Variants in PLA2R1 observed in about 807,000 individuals in gnomAD.
PLA2R1 encodes secretory phospholipase A2 receptor.
In PLA2R1, 158 loss-of-function variants were observed where a neutral mutation model predicts 195.9. That is an observed-to-expected ratio of 0.81 (90% confidence interval 0.71 to 0.92). The LOEUF (loss-of-function observed/expected upper bound fraction) is 0.92, where lower values mean the gene tolerates loss of function less well. Ranked by LOEUF, PLA2R1 falls within the 40% of genes least tolerant of loss-of-function variation. The pLI, the probability that PLA2R1 is intolerant of heterozygous loss-of-function variation, is 0.00. For missense variants in PLA2R1, 1,626 were observed against 1,764.6 expected (o/e 0.92, Z 1.41); for synonymous variants, 586 against 598.2 (o/e 0.98, Z 0.30).
In PLA2R1 at chr2:159,949,629, C is replaced by G; in HGVS notation, c.3688G>C (p.Ala1230Pro). 1 of 1,613,830 alleles carries G rather than the reference C, an allele frequency of 6.2e-7. No homozygotes were observed. The highest frequency in any genetic ancestry group is 8.5e-7 in the Non-Finnish European group (1 of 1,179,782). ...STACESFLQG[A>P]ICHVPPETRQ... is the part of the protein sequence containing the mutation. ...CTACCAGGTGGCACATGACAAATGG[C>G]ACCTTGCAGAAATGACTCGCAGGCT... The change falls in exon 25 of 30, where the codon GCC (alanine) becomes CCC (proline). Residue 1230 changes from alanine (A) to proline (P), a missense_variant. Transcript: ENST00000283243.
In PLA2R1 at chr2:160,044,836, T is replaced by C. The variant is rs201406348; in HGVS notation, c.431A>G (p.Tyr144Cys). 3 of 1,613,830 alleles carry C rather than the reference T, an allele frequency of 1.9e-6. No individual in the cohort carries two copies. Among genetic ancestry groups the C allele is most frequent in the South Asian group, 2.2e-5 (2 of 91,078 alleles). Residue 144 changes from tyrosine to cysteine, a missense_variant, in exon 2 of 30, where the codon TAT becomes TGT. By Grantham distance (194) the Tyr-to-Cys change is radical. Coordinates refer to ENST00000283243, the MANE Select transcript of PLA2R1 (RefSeq NM_007366.5). ...CCCATAAGAAATCCACTTATGAATA[T>C]ACTTCCGTGAGGCCACCACTGTGTT... Reference protein sequence around the residue: ...HDNTVVASRKYIHKWISYGSG... With the variant: ...HDNTVVASRKCIHKWISYGSG...
At chr2:159,929,838 T>G (rs1005750897), downstream of PLA2R1, among the ~76,000 whole-genome samples, 1 of 146,756 alleles carries the variant, frequency 6.8e-6, no homozygotes, top group African/African-American at 2.5e-5. Flanking sequence ...TGTGCATGTA[T>G]ATGTATTATA....
the PLA2R1 span, among the ~76,000 whole-genome samples, chr2:159,926,254 A>C: frequency 3.3e-5 from 5 of 152,250 alleles, no homozygotes; most frequent in African/African-American, 1.2e-4. Flanking sequence ...AGATTTAATA[A>C]AGAACCCTTG....
chr2:159,929,269 C>T (rs1183786999), downstream of PLA2R1, among the ~76,000 whole-genome samples: 2 of 152,094 alleles, frequency 1.3e-5, no homozygotes, highest in African/African-American at 4.8e-5. Flanking sequence ...AAAGGACTAA[C>T]ATCCAGAATC....
rs1330047201 is a variant in PLA2R1, at chr2:159,939,998, T to A, written c.*1780A>T. The A allele has an allele frequency of 5.9e-5, 9 of 152,256 alleles. No homozygotes were observed. Among genetic ancestry groups the A allele is most frequent in the African/African-American group, 2.2e-4 (9 of 41,476 alleles). The allele number at this position is 152,256 out of a possible 1,614,324, so 9.4% of individuals were successfully genotyped here. Reference sequence around the variant, plus strand: ...GACTGTCCCAGTGTGTAAATTATTATAACAGTAGCAAAGAGCTGCTTTTGG... The same window carrying A: ...GACTGTCCCAGTGTGTAAATTATTAAAACAGTAGCAAAGAGCTGCTTTTGG... On this transcript the variant is annotated 3_prime_UTR_variant, in exon 30 of 30. Transcript: ENST00000283243.
chr2:159,966,034 G>A (rs1688766326), intron 20 of PLA2R1, among the ~76,000 whole-genome samples: 1 of 152,100 alleles, frequency 6.6e-6, no homozygotes, highest in Non-Finnish European at 1.5e-5. Flanking sequence ...AATTTTGTTA[G>A]CATCTGTCTT....
At chr2:160,036,734 A>C in intron 3 of PLA2R1, among the ~76,000 whole-genome samples, 1 of 151,876 alleles carries the variant, frequency 6.6e-6, no homozygotes, top group African/African-American at 2.4e-5. Flanking sequence ...GTACTTTTCA[A>C]CTCCTAGCTC....
intron 1 of PLA2R1, among the ~76,000 whole-genome samples, chr2:160,061,084 A>G (rs1447812711): frequency 6.6e-6 from 1 of 152,228 alleles, no homozygotes; most frequent in Non-Finnish European, 1.5e-5. Flanking sequence ...GACATATTCT[A>G]CTGTGGAGGA....
chr2:159,988,245 G>T (rs1410371610), intron 11 of PLA2R1, among the ~76,000 whole-genome samples: 2 of 150,056 alleles, frequency 1.3e-5, no homozygotes, highest in African/African-American at 4.9e-5. Flanking sequence ...GAGTAAGAAT[G>T]AGCTTGTTTT....
intron 2 of PLA2R1, among the ~76,000 whole-genome samples, chr2:160,042,830 T>C (rs1694612848): frequency 8.9e-6 from 1 of 112,906 alleles, no homozygotes; most frequent in African/African-American, 3.0e-5. Context: ...TGTGTGTGTG[T>C]GTGTGTGTGT....
the PLA2R1 span, among the ~76,000 whole-genome samples, chr2:159,924,729 T>TGG: frequency 0.013 from 1,566 of 117,258 alleles, 27 homozygotes; most frequent in Admixed American, 0.032. Flanking sequence ...CTCTGGGGGC[T>TGG]GGGGGGGGGG....
chr2:159,956,893 G>A (rs1688128674), intron 20 of PLA2R1, among the ~76,000 whole-genome samples: 1 of 151,842 alleles, frequency 6.6e-6, no homozygotes, highest in African/African-American at 2.4e-5. Context: ...TCAGAACAGT[G>A]CCTTCAGCAC....
chr2:160,024,411 C>A (rs964551245), intron 6 of PLA2R1, among the ~76,000 whole-genome samples: 71 of 152,168 alleles, frequency 4.7e-4, no homozygotes, highest in Non-Finnish European at 2.4e-4. Context: ...TATCACCCTG[C>A]CTCCAAAGAA....
chr2:160,049,121 G>A (rs557228190), intron 1 of PLA2R1, among the ~76,000 whole-genome samples: 4 of 152,220 alleles, frequency 2.6e-5, no homozygotes, highest in Non-Finnish European at 4.4e-5. Context: ...GATTACAGGC[G>A]TGAGCCACCG....
chr2:159,948,046 A>G (rs1349029639), intron 25 of PLA2R1, among the ~76,000 whole-genome samples: 2 of 152,212 alleles, frequency 1.3e-5, no homozygotes, highest in Non-Finnish European at 1.5e-5. Flanking sequence ...ATAGCATAAC[A>G]TAAAATAAAT....
In PLA2R1 at chr2:160,032,619, T is replaced by C. The variant is rs866132716; in HGVS notation, c.841+340A>G. Among the ~76,000 whole-genome samples the C allele has an allele frequency of 3.3e-5, 5 of 152,322 alleles. 1 individual carries two copies. In the Middle Eastern group the frequency reaches 0.014, roughly 414 times the overall value. On this transcript the variant is annotated intron_variant, in intron 4 of 29. Coordinates refer to ENST00000283243, the MANE Select transcript of PLA2R1 (RefSeq NM_007366.5). The stretch of plus-strand genomic sequence containing the variant: ...AATAAAATGCTTAATGATTTATTAA[T>C]GGAAATGGAATGGCTAAGATCTCCA...
chr2:159,941,434 A>C lies in PLA2R1; in HGVS notation c.*344T>G, dbSNP rs1687081015. ...GAATAGATACCAGATTAGTTTTAAA[A>C]TTCCCCCAAATTTTAGTAGAGATAC... On this transcript the variant is annotated 3_prime_UTR_variant, in exon 30 of 30. Transcript: ENST00000283243. 6.0e-6 allele frequency: 1 copy of C among 167,702 alleles called. No individual in the cohort carries two copies. The highest frequency in any genetic ancestry group is 1.3e-5 in the Non-Finnish European group (1 of 77,978). The allele number at this position is 167,702 out of a possible 1,614,324, so 10.4% of individuals were successfully genotyped here. A position where few individuals can be genotyped will look rare whatever the true frequency, so the allele number is the denominator to read the frequency against.
At position 159,951,582 on chromosome 2, in the gene PLA2R1, G is replaced by T; in HGVS notation, c.3302-4C>A. ...TTTACACCGTGTCCAGAAGTATCTA[G>T]AACAAGAACAGCAACAAAAGTCATT... On this transcript the variant is annotated splice_region_variant and splice_polypyrimidine_tract_variant and intron_variant, in intron 23 of 29. Transcript: ENST00000283243. 7.1e-7 allele frequency: 1 copy of T among 1,412,288 alleles called. No individual in the cohort carries two copies. The highest frequency in any genetic ancestry group is 1.0e-6 in the Non-Finnish European group (1 of 993,914). The allele number at this position is 1,412,288 out of a possible 1,614,324, so 87.5% of individuals were successfully genotyped here.
rs1326707172 is a variant in PLA2R1, at chr2:159,941,720, A to G, written c.*58T>C. On this transcript the variant is annotated 3_prime_UTR_variant, in exon 30 of 30. Transcript: ENST00000283243. Reference sequence around the variant, plus strand: ...TGCTGTAAAGGGAAAGACAGATGAGACTCCTGTTTAGTCTTCTTTACTTAC... The same window carrying G: ...TGCTGTAAAGGGAAAGACAGATGAGGCTCCTGTTTAGTCTTCTTTACTTAC... 1.3e-5 allele frequency: 11 copies of G among 862,366 alleles called. No individual in the cohort carries two copies. Among genetic ancestry groups the G allele is most frequent in the Non-Finnish European group, 1.5e-5 (8 of 520,218 alleles). 53.4% of individuals were successfully genotyped at this position (862,366 alleles called of 1,614,324 possible).
Sources: gnomAD v4.1 joint callset for allele counts (sites outside exome capture counted in the v4.1 genomes callset) on GRCh38, gnomAD v4.1.1 for gene constraint, MANE v1.5 for transcripts, NCBI Gene and HGNC (gene_info 2026-07-23, HGNC 2026-07-21) for gene names.